Variants in ZNF165 observed in about 807,000 individuals in gnomAD.
ZNF165 encodes the protein cancer/testis antigen 53.
In ZNF165, 14 loss-of-function variants were observed where a neutral mutation model predicts 19.6. The ratio of observed to expected loss-of-function variants is 0.71; its 90% CI spans 0.47 to 1.12. The LOEUF (loss-of-function observed/expected upper bound fraction) is 1.12. Among genes scored for constraint, ZNF165 ranks in the 50% most tolerant of loss-of-function variants. The pLI is 0.00. For missense variants in ZNF165, 504 were observed against 566.3 expected, an observed-to-expected ratio of 0.89 and a Z score of 1.12; for synonymous variants, 165 against 195.0, an observed-to-expected ratio of 0.85 and a Z score of 1.28.
At position 28,089,523 on chromosome 6, in the gene ZNF165, T is replaced by G. The variant is rs554086704; in HGVS notation, c.*53T>G. On this transcript the variant is annotated 3_prime_UTR_variant, in exon 4 of 4. Coordinates refer to ENST00000683778, the MANE Select transcript of ZNF165 (RefSeq NM_001376491.1). ...AGGAAATGGCACAATATGAAAAATA[T>G]TAAATAAAAAATAAATATTGGGCAA... 6.8e-7 allele frequency: 1 copy of G among 1,463,408 alleles called. No individual in the cohort carries two copies. The highest frequency in any genetic ancestry group is 2.5e-5 in the East Asian group (1 of 40,670). The allele number at this position is 1,463,408 out of a possible 1,614,324, so 90.7% of individuals were successfully genotyped here.
Position 28,085,509 on chromosome 6 carries a change from C to T in ZNF165, c.29C>T (p.Ala10Val), listed in dbSNP as rs752319995. The T allele has an allele frequency of 5.0e-6, 8 of 1,613,878 alleles. No homozygotes were observed. In the South Asian group the frequency reaches 5.5e-5, roughly 11 times the overall value. MATEPKKAA[A>V]QNSPEDEGLL... The stretch of plus-strand genomic sequence containing the variant: ...GCTACAGAACCAAAGAAAGCTGCAG[C>T]CCAGAACTCTCCAGAGGATGAAGGA... Residue 10 changes from alanine to valine, a missense_variant, in exon 2 of 4, where the codon GCC becomes GTC. By Grantham distance (64) the Ala-to-Val change is moderately conservative (BLOSUM62 0). Coordinates refer to ENST00000683778, the MANE Select transcript of ZNF165 (RefSeq NM_001376491.1).
chr6:28,081,290 C>G (rs930449790), intron 1 of ZNF165: 2 of 152,280 alleles, frequency 1.3e-5, no homozygotes, highest in African/African-American at 4.8e-5. Flanking sequence ...TTGCCCATTC[C>G]AGCCAGGTGG....
rs750767704 is a variant in ZNF165, at chr6:28,086,169, C to T, written c.412-3C>T. On this transcript the variant is annotated splice_region_variant and splice_polypyrimidine_tract_variant and intron_variant, in intron 2 of 3. Coordinates refer to ENST00000683778, the MANE Select transcript of ZNF165 (RefSeq NM_001376491.1). ...AAGCCCAAATGTACTTTATTTTTCT[C>T]AGGTTCAAGCCCATGAACATGGACA... 1.2e-6 allele frequency: 2 copies of T among 1,607,814 alleles called. No individual in the cohort carries two copies. The highest frequency in any genetic ancestry group is 1.7e-6 in the Non-Finnish European group (2 of 1,178,130).
At position 28,086,207 on chromosome 6, in the gene ZNF165, G is replaced by GA. The variant is rs1263498343; in HGVS notation, c.453dup (p.Val152SerfsTer9). 3.1e-6 allele frequency: 5 copies of GA among 1,614,066 alleles called. No homozygotes were observed. Among genetic ancestry groups the GA allele is most frequent in the Non-Finnish European group, 3.4e-6 (4 of 1,179,984 alleles). On this transcript the variant is annotated frameshift_variant, in exon 3 of 4. Transcript: ENST00000683778. LOFTEE classifies it high-confidence loss of function. Reference sequence around the variant, plus strand: ...ATGAACATGGACAAGAAATATTCCAGAAAAAAGTGTCACCTCCTGGACCAG... The same window carrying GA: ...ATGAACATGGACAAGAAATATTCCAGAAAAAAAGTGTCACCTCCTGGACCAG...
intron 1 of ZNF165, among the ~76,000 whole-genome samples, chr6:28,084,250 G>A (rs148181279): frequency 1.2e-4 from 19 of 152,318 alleles, no homozygotes; most frequent in African/African-American, 4.6e-4. Context: ...AGACTTTCTT[G>A]TAAACCATTG....
chr6:28,081,441 C>G (rs1019401122), intron 1 of ZNF165: 2 of 152,202 alleles, frequency 1.3e-5, no homozygotes, highest in Admixed American at 6.5e-5. Flanking sequence ...CCCGCTTGTC[C>G]TGAAATTTAT....
chr6:28,087,967 G>A (rs1764317016), intron 3 of ZNF165, among the ~76,000 whole-genome samples: 1 of 152,126 alleles, frequency 6.6e-6, no homozygotes. Context: ...GATAGGAAAT[G>A]GTAAGGTTCG....
chr6:28,086,060 C>T, intron 2 of ZNF165, 112 bp from the exon 3 acceptor site: 1 of 1,514,568 alleles, frequency 6.6e-7, no homozygotes, highest in South Asian at 1.3e-5. Flanking sequence ...TTAAATCAGA[C>T]TCGATTCTTC....
rs1263498343 is a variant in ZNF165 at position 28,086,207 on chromosome 6, GA to G, written c.453del (p.Val152CysfsTer82). ...ATGAACATGGACAAGAAATATTCCA[GA>G]AAAAAGTGTCACCTCCTGGACCAGC... ...AHEHGQEIFQ[K>X]KVSPPGPALN... On this transcript the variant is annotated frameshift_variant, in exon 3 of 4. Transcript: ENST00000683778. LOFTEE classifies it high-confidence loss of function. The G allele has an allele frequency of 6.2e-7, 1 of 1,613,946 alleles. No homozygotes were observed. Among genetic ancestry groups the G allele is most frequent in the African/African-American group, 1.3e-5 (1 of 74,910 alleles).
upstream of ZNF165, chr6:28,080,542 A>AC (rs1764127281): frequency 8.1e-6 from 1 of 124,044 alleles, no homozygotes; most frequent in Admixed American, 8.1e-5. Context: ...CACGCCCGGC[A>AC]ATTTTTTTTT....
intron 3 of ZNF165, among the ~76,000 whole-genome samples, chr6:28,087,254 T>C (rs1036969279): frequency 3.3e-5 from 5 of 152,226 alleles, no homozygotes; most frequent in Non-Finnish European, 7.3e-5. Flanking sequence ...TGTTTTGTTT[T>C]GTTTTTCCTG....
chr6:28,085,805 G>T lies in ZNF165; in HGVS notation c.325G>T (p.Val109Leu), dbSNP rs1159561570. ...CCTGCCAGGAGATTTGCAGGCCTGG[G>T]TACATGAACATTACCCAGAGAGTGG... Reference protein sequence around the residue: ...TILPGDLQAWVHEHYPESGEE... With the variant: ...TILPGDLQAWLHEHYPESGEE... The change falls in exon 2 of 4, where the codon GTA (valine) becomes TTA (leucine). Residue 109 changes from valine to leucine, a missense_variant. Val to Leu is a conservative substitution (Grantham distance 32). Transcript: ENST00000683778. 7 of 1,613,686 alleles carry T rather than the reference G, an allele frequency of 4.3e-6. No individual in the cohort carries two copies. In the Admixed American group the frequency reaches 1.0e-4, roughly 23 times the overall value.
intron 1 of ZNF165, among the ~76,000 whole-genome samples, chr6:28,082,107 A>C (rs1381311593): frequency 6.6e-6 from 1 of 152,206 alleles, no homozygotes; most frequent in African/African-American, 2.4e-5. Context: ...AGTAAAATAT[A>C]AGGGATTGAG....
Position 28,086,161 on chromosome 6 carries a change from AT to A in ZNF165, c.412-6del. The A allele has an allele frequency of 6.2e-7, 1 of 1,608,052 alleles. No homozygotes were observed. Among genetic ancestry groups the A allele is most frequent in the Non-Finnish European group, 8.5e-7 (1 of 1,178,078 alleles). ...TCTTTTATAAGCCCAAATGTACTTT[AT>A]TTTTCTCAGGTTCAAGCCCATGAAC... On this transcript the variant is annotated splice_polypyrimidine_tract_variant and intron_variant, in intron 2 of 3. Coordinates refer to ENST00000683778, the MANE Select transcript of ZNF165 (RefSeq NM_001376491.1).
intron 3 of ZNF165, 105 bp from the exon 4 acceptor site, chr6:28,088,458 C>CATAT: frequency 1.1e-6 from 1 of 899,550 alleles, no homozygotes; most frequent in South Asian, 1.8e-5. Flanking sequence ...TGTGAAAGGT[C>CATAT]ATATATTAAA....
At position 28,086,300 on chromosome 6, in the gene ZNF165, A is replaced by T. The variant is rs1301975199; in HGVS notation, c.540A>T (p.Leu180=). 2 of 1,613,804 alleles carry T rather than the reference A, an allele frequency of 1.2e-6. No homozygotes were observed. Among genetic ancestry groups the T allele is most frequent in the South Asian group, 1.1e-5 (1 of 91,058 alleles). Residue 180 remains leucine, a synonymous_variant, in exon 3 of 4, where the codon CTA becomes CTT. Coordinates refer to ENST00000683778, the MANE Select transcript of ZNF165 (RefSeq NM_001376491.1). ...AHFDSSEPQL[L]WDCDNESENS... ...TTGATTCATCAGAACCCCAGCTCCT[A>T]TGGGACTGTGGTGAGGGGCAGAATG...
At position 28,085,702 on chromosome 6, in the gene ZNF165, C is replaced by T. The variant is rs140146788; in HGVS notation, c.222C>T (p.Cys74=). 8.1e-5 allele frequency: 131 copies of T among 1,614,014 alleles called. No homozygotes were observed. Among genetic ancestry groups the T allele is most frequent in the Non-Finnish European group, 1.1e-4 (125 of 1,180,034 alleles). ...CACTGAGCCGCCTCCGGGAGCTCTG[C>T]TGTCAGTGGCTGAAGCCAGAGATCC... ...REALSRLREL[C]CQWLKPEIHT... Residue 74 remains cysteine, a synonymous_variant, in exon 2 of 4, where the codon TGC becomes TGT. Transcript: ENST00000683778.
chr6:28,088,469 G>C (rs1764339463), intron 3 of ZNF165, 94 bp from the exon 4 acceptor site: 2 of 989,670 alleles, frequency 2.0e-6, no homozygotes, highest in Non-Finnish European at 3.0e-6. Context: ...ATATATTAAA[G>C]TGGGCATATC....
chr6:28,085,353 T>G (rs755649267), intron 1 of ZNF165, 128 bp from the exon 2 acceptor site: 14 of 975,798 alleles, frequency 1.4e-5, no homozygotes, highest in Non-Finnish European at 2.1e-5. Flanking sequence ...TAATGGAGAA[T>G]GACGATTTTT....
Sources: allele counts gnomAD v4.1 joint callset (sites outside exome capture counted in the v4.1 genomes callset), GRCh38; gene constraint gnomAD v4.1.1; transcripts MANE v1.5; gene names NCBI Gene and HGNC (gene_info 2026-07-23, HGNC 2026-07-21).